Variants in PALLD observed in about 807,000 individuals in gnomAD.
PALLD encodes the protein palladin, cytoskeletal associated protein.
A neutral mutation model predicts 123.5 loss-of-function variants in PALLD; 61 were observed. That is an observed-to-expected ratio of 0.49 (90% CI 0.40 to 0.61). PALLD has a LOEUF of 0.61. Ranked by LOEUF, PALLD falls within the 20% of genes least tolerant of loss-of-function variation. The probability of loss-of-function intolerance (pLI) is 0.00; values close to 1 mark genes in which losing one functional copy is unlikely to be tolerated. For synonymous variants in PALLD, 465 were observed against 496.4 expected (o/e 0.94, Z 0.84); for missense variants, 1,273 against 1,377.0 (o/e 0.92, Z 1.20).
chr4:168,545,542 A>G (rs1156676877), intron 2 of PALLD, among the ~76,000 whole-genome samples: 1 of 149,322 alleles, frequency 6.7e-6, no homozygotes, highest in African/African-American at 2.4e-5. Context: ...AAAAAAAAAG[A>G]ACTCAGTTTC....
intron 2 of PALLD, among the ~76,000 whole-genome samples, chr4:168,618,034 T>C (rs1449621184): frequency 6.6e-6 from 1 of 152,166 alleles, no homozygotes; most frequent in Non-Finnish European, 1.5e-5. Context: ...AAGTTCTATA[T>C]TTTTCTTAGG....
At chr4:168,710,880 T>G (rs533301738) in intron 9 of PALLD, among the ~76,000 whole-genome samples, 1 of 152,174 alleles carries the variant, frequency 6.6e-6, no homozygotes, top group Non-Finnish European at 1.5e-5. Flanking sequence ...CTGCTATAGG[T>G]CAAACATAAT....
At chr4:168,639,822 G>A (rs771076811) in intron 2 of PALLD, among the ~76,000 whole-genome samples, 9 of 152,260 alleles carry the variant, frequency 5.9e-5, no homozygotes, top group Non-Finnish European at 1.3e-4. Context: ...GGGATTATAG[G>A]CGTGAGCCAC....
chr4:168,823,504 AC>A (rs535244847), intron 10 of PALLD, among the ~76,000 whole-genome samples: 2 of 151,784 alleles, frequency 1.3e-5, no homozygotes, highest in African/African-American at 2.4e-5. Context: ...ACGTGGTGAG[AC>A]CCTGTCTCTA....
intron 10 of PALLD, among the ~76,000 whole-genome samples, chr4:168,886,893 C>T (rs1312305926): frequency 6.6e-6 from 1 of 151,276 alleles, no homozygotes; most frequent in Non-Finnish European, 1.5e-5. Flanking sequence ...CCGAGGCGGG[C>T]GGATCACGAG....
Position 168,511,534 on chromosome 4 carries a change from CTA to C in PALLD, c.32_33del (p.Tyr11Ter). 6.2e-7 allele frequency: 1 copy of C among 1,613,948 alleles called. No individual in the cohort carries two copies. Among genetic ancestry groups the C allele is most frequent in the Non-Finnish European group, 8.5e-7 (1 of 1,179,838 alleles). MSGTSSHESF[Y>X]DSLSDMQEES... is the part of the protein sequence containing the mutation. ...CAGGGACCTCCTCCCATGAGTCCTT[CTA>C]TGACTCCCTCTCAGACATGCAGGAA... On this transcript the variant is annotated frameshift_variant, in exon 2 of 22. Transcript: ENST00000505667. LOFTEE classifies it high-confidence loss of function.
At chr4:168,604,433 G>A (rs1772967993) in intron 2 of PALLD, among the ~76,000 whole-genome samples, 1 of 152,100 alleles carries the variant, frequency 6.6e-6, no homozygotes. Context: ...ACGTAACATG[G>A]CCAGTTTAAC....
chr4:168,538,524 G>T (rs1052042893), intron 2 of PALLD, among the ~76,000 whole-genome samples: 3 of 151,834 alleles, frequency 2.0e-5, no homozygotes, highest in Admixed American at 1.3e-4. Context: ...TTTAGCCATA[G>T]ACCTTGTTTT....
intron 10 of PALLD, among the ~76,000 whole-genome samples, chr4:168,811,049 G>A (rs1741041866): frequency 6.6e-6 from 1 of 152,172 alleles, no homozygotes; most frequent in Non-Finnish European, 1.5e-5. Context: ...TAGAACAGAT[G>A]TTGAAAGACA....
chr4:168,779,380 T>C (rs1242031686), intron 10 of PALLD, among the ~76,000 whole-genome samples: 1 of 152,168 alleles, frequency 6.6e-6, no homozygotes, highest in African/African-American at 2.4e-5. Flanking sequence ...CATTTGAAAC[T>C]CTCCAACATA....
chr4:168,785,525 A>G (rs1361565708), intron 10 of PALLD, among the ~76,000 whole-genome samples: 2 of 152,144 alleles, frequency 1.3e-5, no homozygotes, highest in East Asian at 3.9e-4. Context: ...ACATTTGAAC[A>G]TTTACCCTTT....
chr4:168,620,821 A>G (rs558113982), intron 2 of PALLD, among the ~76,000 whole-genome samples: 1 of 152,362 alleles, frequency 6.6e-6, no homozygotes, highest in East Asian at 1.9e-4. Context: ...TAAGCCACAC[A>G]GTATATGCAA....
At chr4:168,818,584 C>CAAAT (rs940415408) in intron 10 of PALLD, among the ~76,000 whole-genome samples, 8 of 152,108 alleles carry the variant, frequency 5.3e-5, no homozygotes, top group South Asian at 2.1e-4. Context: ...GACCCTGTCT[C>CAAAT]AAATAAATAA....
chr4:168,683,550 A>G (rs913130249), intron 5 of PALLD, among the ~76,000 whole-genome samples: 1 of 152,176 alleles, frequency 6.6e-6, no homozygotes, highest in Non-Finnish European at 1.5e-5. Flanking sequence ...TGACTTCACC[A>G]TGCTTTTTGA....
chr4:168,678,424 C>G (rs1045705748), intron 3 of PALLD, among the ~76,000 whole-genome samples: 3 of 152,128 alleles, frequency 2.0e-5, no homozygotes, highest in Admixed American at 2.0e-4. Flanking sequence ...GCATGATATT[C>G]TAGGTGACGT....
chr4:168,600,434 G>T (rs1488900895), intron 2 of PALLD, among the ~76,000 whole-genome samples: 1 of 152,004 alleles, frequency 6.6e-6, no homozygotes, highest in Non-Finnish European at 1.5e-5. Flanking sequence ...CAATTTCTAT[G>T]ACTTCTCATG....
chr4:168,613,988 A>G (rs982231831), intron 2 of PALLD, among the ~76,000 whole-genome samples: 8 of 152,146 alleles, frequency 5.3e-5, no homozygotes, highest in African/African-American at 1.9e-4. Context: ...GTAGCTGGGA[A>G]TTCATTTAAA....
chr4:168,816,275 A>G (rs148321474), intron 10 of PALLD, among the ~76,000 whole-genome samples: 3 of 152,230 alleles, frequency 2.0e-5, no homozygotes, highest in African/African-American at 7.2e-5. Flanking sequence ...TGTTTTCAAC[A>G]CAAGAGAGCA....
rs920469139 is a variant in PALLD at position 168,527,118 on chromosome 4, C to T, written c.908+14706C>T. ...GTGTACTCACAATAACAAACATATA[C>T]GCGACAGCAATCCTTCCGAGGTGAC... On this transcript the variant is annotated intron_variant, in intron 2 of 21. Coordinates refer to ENST00000505667, the MANE Select transcript of PALLD (RefSeq NM_001166108.2). 3.3e-5 allele frequency among the ~76,000 whole-genome samples: 5 copies of T among 152,098 alleles called. No homozygotes were observed. The East Asian group carries it at 5.8e-4, about 18-fold the overall frequency.
Sources: allele counts gnomAD v4.1 joint callset (sites outside exome capture counted in the v4.1 genomes callset), GRCh38; gene constraint gnomAD v4.1.1; transcripts MANE v1.5; gene names NCBI Gene and HGNC (gene_info 2026-07-23, HGNC 2026-07-21).